The following CD36 variants were observed in gnomAD, a reference collection of about 807,000 sequenced individuals.
The protein encoded by CD36 is platelet glycoprotein 4.
Under a neutral mutation model 55.2 loss-of-function variants are expected in CD36, and 119 were observed. That is an observed-to-expected ratio of 2.15 (90% confidence interval 1.86 to 2.51). CD36 has a LOEUF of 2.51. CD36 is among the 30% of genes most tolerant of loss of function. The probability of loss-of-function intolerance (pLI) is 0.00; values close to 1 mark genes in which losing one functional copy is unlikely to be tolerated. For synonymous variants in CD36, 186 were observed against 193.6 expected (o/e 0.96, Z 0.33); for missense variants, 819 against 555.5 (o/e 1.47, Z -4.77).
In CD36 at chr7:80,670,256, G is replaced by A. The variant is rs954447893; in HGVS notation, c.818+234G>A. 4.3e-5 allele frequency: 22 copies of A among 513,942 alleles called. No homozygotes were observed. In the East Asian group the frequency reaches 6.8e-4, roughly 16 times the overall value. 31.8% of individuals were successfully genotyped at this position (513,942 alleles called of 1,614,324 possible). A position where few individuals can be genotyped will look rare whatever the true frequency, so the allele number is the denominator to read the frequency against. ...AAAACTAAACTAGTAGTCTATTAAC[G>A]ATCAAGTCCAGAAGGGCGTGCCCAA... On this transcript the variant is annotated intron_variant, in intron 9 of 14. Coordinates refer to ENST00000447544, the MANE Select transcript of CD36 (RefSeq NM_001001548.3).
In CD36 at chr7:80,674,151, A is replaced by C. The variant is rs201385738; in HGVS notation, c.*4A>C. On this transcript the variant is annotated splice_donor_region_variant and intron_variant, in intron 14 of 14. Transcript: ENST00000447544. ...CAGATCGAAAACAATAAAATAAGTA[A>C]GTATGTACCAAAAAATATTGCTTCA... 29 of 1,580,084 alleles carry C rather than the reference A, an allele frequency of 1.8e-5. No individual in the cohort carries two copies. In the East Asian group the frequency reaches 6.3e-4, roughly 34 times the overall value.
At chr7:80,660,708 A>G (rs1170364982) in intron 4 of CD36, among the ~76,000 whole-genome samples, 1 of 152,172 alleles carries the variant, frequency 6.6e-6, no homozygotes, top group African/African-American at 2.4e-5. Flanking sequence ...CTAAACTTGT[A>G]TTTGTTACAT....
At chr7:80,660,470 C>T (rs986723201) in intron 4 of CD36, among the ~76,000 whole-genome samples, 11 of 152,072 alleles carry the variant, frequency 7.2e-5, no homozygotes, top group African/African-American at 2.7e-4. Context: ...TCTAAATATT[C>T]CCCTGCTGAA....
rs55921427 is a variant in CD36, at chr7:80,662,990, G to T, written c.430G>T (p.Ala144Ser). The T allele has an allele frequency of 5.0e-6, 8 of 1,610,044 alleles. No individual in the cohort carries two copies. In the Middle Eastern group the frequency reaches 1.0e-3, roughly 206 times the overall value. The change falls in exon 6 of 15, where the codon GCT becomes TCT. Residue 144 changes from alanine to serine, a missense_variant and splice_region_variant. Ala to Ser is a moderately conservative substitution (Grantham distance 99). Transcript: ENST00000447544. Reference sequence around the variant, plus strand: ...TTAAACAGTGACTTTGTTTTTGTAGGCTGCATCCCATATCTATCAAAATCA... The same window carrying T: ...TTAAACAGTGACTTTGTTTTTGTAGTCTGCATCCCATATCTATCAAAATCA... ...NFTVLNLAVAAASHIYQNQFV... is the reference protein window; with the variant it reads ...NFTVLNLAVASASHIYQNQFV...
At chr7:80,658,931 G>T (rs746435092) in intron 4 of CD36, among the ~76,000 whole-genome samples, 35 of 152,102 alleles carry the variant, frequency 2.3e-4, no homozygotes, top group Non-Finnish European at 5.0e-4. Context: ...GACAAAAAGG[G>T]GATGTGTTAG....
At chr7:80,645,527 G>T (rs375117224) in intron 1 of CD36, among the ~76,000 whole-genome samples, 19 of 151,820 alleles carry the variant, frequency 1.3e-4, no homozygotes, top group African/African-American at 4.1e-4. Flanking sequence ...AGCTACACAG[G>T]AGGCTGAGTC....
In CD36 at chr7:80,671,971, T is replaced by C. The variant is rs368288231; in HGVS notation, c.1056T>C (p.Asp352=). Residue 352 remains aspartate, a synonymous_variant, in exon 11 of 15, where the codon GAT becomes GAC. Coordinates refer to ENST00000447544, the MANE Select transcript of CD36 (RefSeq NM_001001548.3). ...CTCATTTTCTGTATGCAAGTCCTGA[T>C]GTTTCAGAACCTATTGATGGATTAA... The part of the protein sequence containing the change: ...SLPHFLYASP[D]VSEPIDGLNP... The C allele has an allele frequency of 2.0e-5, 33 of 1,610,076 alleles. No individual in the cohort carries two copies. The highest frequency in any genetic ancestry group is 2.8e-5 in the Non-Finnish European group (33 of 1,176,990).
chr7:80,604,904 G>A (rs1383188132), intron 1 of CD36, among the ~76,000 whole-genome samples: 1 of 152,034 alleles, frequency 6.6e-6, no homozygotes, highest in East Asian at 1.9e-4. Context: ...GAACACTTCA[G>A]TCTAATTGAA....
intron 8 of CD36, among the ~76,000 whole-genome samples, chr7:80,668,136 A>G (rs1797301843): frequency 2.6e-5 from 4 of 152,282 alleles, no homozygotes; most frequent in Admixed American, 1.3e-4. Flanking sequence ...CAAGTCCTCA[A>G]TACTACCAAT....
In CD36 at chr7:80,671,164, G is replaced by T. The variant is rs750187438; in HGVS notation, c.1006G>T (p.Gly336Trp). 3 of 1,599,062 alleles carry T rather than the reference G, an allele frequency of 1.9e-6. No individual in the cohort carries two copies. The East Asian group carries it at 6.7e-5, about 36-fold the overall frequency. Residue 336 changes from glycine (G) to tryptophan (W), a missense_variant and splice_region_variant, in exon 10 of 15, where the codon GGG becomes TGG. Transcript: ENST00000447544. Reference protein sequence around the residue: ...GVLDISKCKEGRPVYISLPHF... With the variant: ...GVLDISKCKEWRPVYISLPHF... ...GCTAGACATCAGCAAATGCAAAGAAGGTGAGTAAATAACCTCAGTAGCACA... is the reference window on the plus strand; with the variant it reads ...GCTAGACATCAGCAAATGCAAAGAATGTGAGTAAATAACCTCAGTAGCACA...
chr7:80,654,120 G>A (rs942319230), intron 3 of CD36, among the ~76,000 whole-genome samples: 2 of 152,074 alleles, frequency 1.3e-5, no homozygotes, highest in African/African-American at 4.8e-5. Flanking sequence ...TTTTTTAAGG[G>A]AAAAGTGATT....
chr7:80,673,394 T>C lies in CD36; in HGVS notation c.1239T>C (p.Ile413=). 6.4e-7 allele frequency: 1 copy of C among 1,570,094 alleles called. No homozygotes were observed. Among genetic ancestry groups the C allele is most frequent in the Non-Finnish European group, 8.8e-7 (1 of 1,140,788 alleles). ...TGAAGAGGAACTATATTGTGCCTAT[T>C]CTTTGGCTTAATGAGGTTTGTATTT... is the stretch of plus-strand genomic sequence containing the variant. ...KNLKRNYIVP[I]LWLNETGTIG... is the part of the protein sequence containing the mutation. The change falls in exon 13 of 15, where the codon ATT becomes ATC. Residue 413 remains isoleucine, a synonymous_variant. Coordinates refer to ENST00000447544, the MANE Select transcript of CD36 (RefSeq NM_001001548.3).
chr7:80,612,618 T>C (rs1021714250), intron 1 of CD36, among the ~76,000 whole-genome samples: 2 of 152,184 alleles, frequency 1.3e-5, no homozygotes, highest in African/African-American at 4.8e-5. Context: ...ATATATATAC[T>C]CAACTTTCTA....
chr7:80,607,218 G>A (rs754303968), intron 1 of CD36, among the ~76,000 whole-genome samples: 1 of 152,030 alleles, frequency 6.6e-6, no homozygotes, highest in South Asian at 2.1e-4. Flanking sequence ...TTCTGAAGCT[G>A]AAATCCTGTA....
At chr7:80,657,574 T>A (rs1402450216) in intron 4 of CD36, among the ~76,000 whole-genome samples, 1 of 152,162 alleles carries the variant, frequency 6.6e-6, no homozygotes, top group Non-Finnish European at 1.5e-5. Flanking sequence ...AGGTCACTTG[T>A]CCATGTTCAC....
rs80154165 is a variant in CD36 at position 80,648,321 on chromosome 7, AT to A, written c.120+1464del. ...GTGTTAACGTACAGACTACAACATCATTTGGAAAAGTTTTCCAAATTCAAAA... is the reference window on the plus strand; with the variant it reads ...GTGTTAACGTACAGACTACAACATCATTGGAAAAGTTTTCCAAATTCAAAA... On this transcript the variant is annotated intron_variant, in intron 3 of 14. Transcript: ENST00000447544. Among the ~76,000 whole-genome samples the A allele has an allele frequency of 8.7e-3, 1,328 of 152,212 alleles. 63 individuals are homozygous for A. The East Asian group carries it at 0.1, about 12-fold the overall frequency.
rs541438932 is a variant in CD36 at position 80,679,083 on chromosome 7, T to A, written c.*2700T>A. On this transcript the variant is annotated 3_prime_UTR_variant, in exon 15 of 15. Transcript: ENST00000447544. The stretch of plus-strand genomic sequence containing the variant: ...GTCGTCGCTTCTGGTTTCCTGCATA[T>A]ACCAATAGCATTACCTATGACTTTT... 2.0e-5 allele frequency: 3 copies of A among 152,288 alleles called. No homozygotes were observed. In the South Asian group the frequency reaches 6.2e-4, roughly 32 times the overall value. The allele number at this position is 152,288 out of a possible 1,614,324, so 9.4% of individuals were successfully genotyped here. A position where few individuals can be genotyped will look rare whatever the true frequency, so the allele number is the denominator to read the frequency against.
chr7:80,647,837 G>A (rs1471976608), intron 3 of CD36, among the ~76,000 whole-genome samples: 1 of 152,096 alleles, frequency 6.6e-6, no homozygotes, highest in Admixed American at 6.6e-5. Flanking sequence ...AACGAGTTCT[G>A]CCTTCAACTC....
chr7:80,664,861 A>AAC (rs200913881), intron 7 of CD36, among the ~76,000 whole-genome samples: 2,344 of 151,776 alleles, frequency 0.015, 32 homozygotes, highest in Non-Finnish European at 0.022. Context: ...GTAAAAAAAA[A>AAC]AAAAACAACA....
Sources: allele counts gnomAD v4.1 joint callset (sites outside exome capture counted in the v4.1 genomes callset), GRCh38; gene constraint gnomAD v4.1.1; transcripts MANE v1.5; gene names NCBI Gene and HGNC (gene_info 2026-07-23, HGNC 2026-07-21).